Variants in NELL1 observed in about 807,000 individuals in gnomAD.
NELL1 encodes neural EGFL like 1.
NELL1 carries 76 observed loss-of-function variants against 107.4 expected under a neutral mutation model. The ratio of observed to expected loss-of-function variants is 0.71; its 90% confidence interval spans 0.59 to 0.86. NELL1 has a LOEUF of 0.86. NELL1 is among the 40% of genes least tolerant of loss of function. The probability of loss-of-function intolerance (pLI) is 0.00; values close to 1 mark genes in which losing one functional copy is unlikely to be tolerated. For missense variants in NELL1, 1,024 were observed against 1,005.5 expected (o/e 1.02, Z -0.25); for synonymous variants, 353 against 341.2 (o/e 1.03, Z -0.38).
chr11:21,158,703 A>C (rs542950152), intron 13 of NELL1, among the ~76,000 whole-genome samples: 13 of 152,170 alleles, frequency 8.5e-5, no homozygotes, highest in Non-Finnish European at 1.8e-4. Context: ...CATTTCATTC[A>C]AAATTTCTCT....
chr11:21,534,857 G>A (rs1856095686), intron 16 of NELL1, among the ~76,000 whole-genome samples: 1 of 152,052 alleles, frequency 6.6e-6, no homozygotes, highest in African/African-American at 2.4e-5. Flanking sequence ...GTAGAGATGA[G>A]GAAATGTTAA....
intron 16 of NELL1, among the ~76,000 whole-genome samples, chr11:21,558,487 T>C (rs1387397257): frequency 6.6e-6 from 1 of 151,966 alleles, no homozygotes. Flanking sequence ...TGTTATTAAC[T>C]ACAGTCATCA....
At chr11:20,791,566 T>A (rs1857074156) in intron 3 of NELL1, among the ~76,000 whole-genome samples, 1 of 152,148 alleles carries the variant, frequency 6.6e-6, no homozygotes, top group Non-Finnish European at 1.5e-5. Context: ...TTAGTTCATT[T>A]TTATACCAAA....
At chr11:21,121,791 A>G (rs1389213017) in intron 13 of NELL1, among the ~76,000 whole-genome samples, 4 of 152,184 alleles carry the variant, frequency 2.6e-5, no homozygotes, top group African/African-American at 7.2e-5. Context: ...CGAAACAGAA[A>G]AAAATTAAGA....
At chr11:21,283,899 CTT>C in intron 14 of NELL1, 1 of 243,026 alleles carries the variant, frequency 4.1e-6, no homozygotes, top group Non-Finnish European at 8.2e-6. Flanking sequence ...AGAAGCTTCT[CTT>C]TTTCTCACAC....
intron 15 of NELL1, among the ~76,000 whole-genome samples, chr11:21,450,833 GTATA>G (rs1203610119): frequency 6.6e-6 from 1 of 151,734 alleles, no homozygotes; most frequent in Non-Finnish European, 1.5e-5. Flanking sequence ...TTTTTAATGA[GTATA>G]TATTGCTTAC....
At chr11:21,541,941 C>A (rs745810880) in intron 16 of NELL1, among the ~76,000 whole-genome samples, 1 of 152,030 alleles carries the variant, frequency 6.6e-6, no homozygotes, top group Admixed American at 6.6e-5. Context: ...TTACTTTGTG[C>A]CAGACACTGC....
chr11:21,200,185 G>T (rs545686467), intron 13 of NELL1, among the ~76,000 whole-genome samples: 30 of 152,190 alleles, frequency 2.0e-4, no homozygotes, highest in Non-Finnish European at 2.9e-5. Context: ...TGGATCAAAT[G>T]GTATTTCTAG....
rs1055597849 is a variant in NELL1, at chr11:21,168,980, G to A, written c.1426+55266G>A. 4.0e-5 allele frequency among the ~76,000 whole-genome samples: 6 copies of A among 151,846 alleles called. No homozygotes were observed. In the East Asian group the frequency reaches 1.2e-3, roughly 29 times the overall value. On this transcript the variant is annotated intron_variant, in intron 13 of 19. Transcript: ENST00000357134. Reference sequence around the variant, plus strand: ...AGTGCATATGACTCAATTCTGTATTGGTGATGCAGTGTATCTGCTGTCTGA... The same window carrying A: ...AGTGCATATGACTCAATTCTGTATTAGTGATGCAGTGTATCTGCTGTCTGA...
chr11:21,453,109 A>G (rs1468280325), intron 15 of NELL1, among the ~76,000 whole-genome samples: 1 of 152,108 alleles, frequency 6.6e-6, no homozygotes, highest in Non-Finnish European at 1.5e-5. Context: ...GATTTTCTAA[A>G]TGTCAATAAG....
intron 15 of NELL1, among the ~76,000 whole-genome samples, chr11:21,371,638 A>G (rs1851360402): frequency 6.6e-6 from 1 of 152,104 alleles, no homozygotes; most frequent in African/African-American, 2.4e-5. Context: ...CAAGGGGTTT[A>G]TGACACGTAA....
rs148774154 is a variant in NELL1, at chr11:20,694,745, T to C, written c.184+16685T>C. Among the ~76,000 whole-genome samples, 1,408 of 152,228 alleles carry C rather than the reference T, an allele frequency of 9.2e-3. 23 individuals carry two copies. The highest frequency in any genetic ancestry group is 0.036 in the Admixed American group (543 of 15,266). On this transcript the variant is annotated intron_variant, in intron 2 of 19. Transcript: ENST00000357134. Reference sequence around the variant, plus strand: ...GATGTTTCTGTGGGGTAATGCTCTTTCTGCTTAAGATTGTTTTGGTTATGT... The same window carrying C: ...GATGTTTCTGTGGGGTAATGCTCTTCCTGCTTAAGATTGTTTTGGTTATGT...
intron 14 of NELL1, among the ~76,000 whole-genome samples, chr11:21,325,461 T>G: frequency 6.6e-6 from 1 of 152,080 alleles, no homozygotes; most frequent in East Asian, 1.9e-4. Flanking sequence ...TGAGAATTCT[T>G]GTTTTGCCAC....
At chr11:21,252,533 T>C (rs1484038733) in intron 14 of NELL1, among the ~76,000 whole-genome samples, 1 of 152,166 alleles carries the variant, frequency 6.6e-6, no homozygotes, top group African/African-American at 2.4e-5. Flanking sequence ...TGGCATGTTA[T>C]ACTTTTTAGG....
intron 15 of NELL1, among the ~76,000 whole-genome samples, chr11:21,506,585 G>A (rs1353849518): frequency 6.6e-6 from 1 of 152,070 alleles, no homozygotes; most frequent in African/African-American, 2.4e-5. Context: ...TGGGACATGG[G>A]GCCAACAATT....
In NELL1 at chr11:20,951,825, T is replaced by A. The variant is rs185798466; in HGVS notation, c.1171+4390T>A. ...ACCACTGCAGCTTTTCTCTGATACC[T>A]CAGGACAGTTTGTGCTGGCAACATG... On this transcript the variant is annotated intron_variant, in intron 11 of 19. Transcript: ENST00000357134. Among the ~76,000 whole-genome samples the A allele has an allele frequency of 3.7e-4, 57 of 152,074 alleles. 1 individual carries two copies. Among genetic ancestry groups the A allele is most frequent in the African/African-American group, 1.3e-3 (56 of 41,494 alleles).
chr11:21,163,066 G>A (rs987179493), intron 13 of NELL1, among the ~76,000 whole-genome samples: 8 of 152,266 alleles, frequency 5.3e-5, no homozygotes, highest in South Asian at 4.1e-4. Context: ...TAATGACACC[G>A]ATGCCTGAGT....
intron 3 of NELL1, among the ~76,000 whole-genome samples, chr11:20,805,181 T>C (rs763765099): frequency 1.8e-4 from 27 of 152,228 alleles, no homozygotes; most frequent in Non-Finnish European, 3.4e-4. Context: ...GAAGTGTGTT[T>C]CTTGTAGGCA....
intron 16 of NELL1, among the ~76,000 whole-genome samples, chr11:21,557,659 C>G (rs1419485706): frequency 6.6e-6 from 1 of 151,942 alleles, no homozygotes; most frequent in Non-Finnish European, 1.5e-5. Context: ...AATGTGGTTG[C>G]TAATTTGCTG....
Sources: gnomAD v4.1 joint callset for allele counts (sites outside exome capture counted in the v4.1 genomes callset) on GRCh38, gnomAD v4.1.1 for gene constraint, MANE v1.5 for transcripts, NCBI Gene and HGNC (gene_info 2026-07-23, HGNC 2026-07-21) for gene names.